The following OTOF variants were observed in gnomAD, a reference collection of about 807,000 sequenced individuals.
OTOF encodes the protein otoferlin.
Under a neutral mutation model 236.8 loss-of-function variants are expected in OTOF, and 218 were observed. The ratio of observed to expected loss-of-function variants is 0.92; its 90% CI spans 0.82 to 1.03. OTOF has a LOEUF of 1.03. Ranked by LOEUF, OTOF falls within the 50% of genes least tolerant of loss-of-function variation. The pLI is 0.00. For missense variants in OTOF, 2,590 were observed against 2,694.4 expected (o/e 0.96, Z 0.86); for synonymous variants, 1,041 against 1,072.5 (o/e 0.97, Z 0.57).
At position 26,519,085 on chromosome 2, in the gene OTOF, C is replaced by G; in HGVS notation, c.252G>C (p.Val84=). Residue 84 remains valine, a synonymous_variant, in exon 4 of 47, where the codon GTG becomes GTC. Transcript: ENST00000272371. ...GGCTCTCCTCTACCACCTTCTGCAG[C>G]ACCATGCGGAAGGTCCCGATGAGCC... ...SNKLIGTFRM[V]LQKVVEESHV... The G allele has an allele frequency of 6.2e-7, 1 of 1,605,384 alleles. No individual in the cohort carries two copies.
intron 4 of OTOF, among the ~76,000 whole-genome samples, chr2:26,516,993 C>T (rs985926871): frequency 2.0e-5 from 3 of 152,170 alleles, no homozygotes; most frequent in African/African-American, 7.2e-5. Context: ...ACAAGGGCTG[C>T]CTGCAGGCAT....
chr2:26,488,572 T>A (rs892618941), intron 11 of OTOF, among the ~76,000 whole-genome samples: 1 of 152,324 alleles, frequency 6.6e-6, no homozygotes, highest in Non-Finnish European at 1.5e-5. Context: ...TTGTAAGAAG[T>A]GTTTTCAGAG....
At chr2:26,474,255 G>T in intron 26 of OTOF, 145 bp from the exon 27 acceptor site, 1 of 1,120,156 alleles carries the variant, frequency 8.9e-7, no homozygotes, top group Non-Finnish European at 1.3e-6. Flanking sequence ...GTAGGAGAGA[G>T]GCCCCTAGGC....
At chr2:26,509,085 G>A (rs895885303) in intron 5 of OTOF, among the ~76,000 whole-genome samples, 2 of 152,196 alleles carry the variant, frequency 1.3e-5, no homozygotes, top group African/African-American at 4.8e-5. Context: ...AAAGGGATCA[G>A]GCCAGTCTGT....
chr2:26,531,648 CAT>C, intron 2 of OTOF, among the ~76,000 whole-genome samples: 1 of 152,276 alleles, frequency 6.6e-6, no homozygotes, highest in South Asian at 2.1e-4. Context: ...TCCCTAATTT[CAT>C]TTTTCATTGT....
chr2:26,466,686 C>CA, intron 36 of OTOF, 28 bp downstream of exon 36: 1 of 1,613,826 alleles, frequency 6.2e-7, no homozygotes, highest in Non-Finnish European at 8.5e-7. Context: ...AGGAGACTTG[C>CA]AAGGAGGGAA....
In OTOF at chr2:26,472,619, C is replaced by A. The variant is rs761784960; in HGVS notation, c.3764G>T (p.Cys1255Phe). 1.2e-6 allele frequency: 2 copies of A among 1,613,374 alleles called. No individual in the cohort carries two copies. The highest frequency in any genetic ancestry group is 2.2e-5 in the South Asian group (2 of 91,076). Residue 1255 changes from cysteine to phenylalanine, a missense_variant, in exon 30 of 47, where the codon TGC becomes TTC. By Grantham distance (205) the Cys-to-Phe change is radical. Coordinates refer to ENST00000272371, the MANE Select transcript of OTOF (RefSeq NM_194248.3). ...GGAGTGAGAGGAGGAGCCCCCATTG[C>A]ACAGCACACGGCAGCGCCGGAGAAG... ...VRLLRRCRVLCNGGSSSHSTG... is the reference protein window; with the variant it reads ...VRLLRRCRVLFNGGSSSHSTG...
At chr2:26,551,446 C>T (rs1667460772) in intron 1 of OTOF, among the ~76,000 whole-genome samples, 1 of 152,244 alleles carries the variant, frequency 6.6e-6, no homozygotes, top group South Asian at 2.1e-4. Context: ...TCTGCCCTTC[C>T]TCCTTCCTCA....
At chr2:26,499,167 C>T (rs1363435086) in intron 8 of OTOF, among the ~76,000 whole-genome samples, 1 of 152,132 alleles carries the variant, frequency 6.6e-6, no homozygotes, top group Non-Finnish European at 1.5e-5. Context: ...GCGTTGCTCA[C>T]TCTGGTGGGG....
At chr2:26,480,162 C>T (rs1016624177) in intron 16 of OTOF, 41 bp downstream of exon 16, 1 of 1,180,778 alleles carries the variant, frequency 8.5e-7, no homozygotes, top group Non-Finnish European at 1.3e-6. Flanking sequence ...GTGGGCCCAG[C>T]ACTCACCTAG....
In OTOF at chr2:26,477,332, G is replaced by C; in HGVS notation, c.2407-44C>G. The C allele has an allele frequency of 6.3e-7, 1 of 1,595,644 alleles. No individual in the cohort carries two copies. The highest frequency in any genetic ancestry group is 8.6e-7 in the Non-Finnish European group (1 of 1,168,226). On this transcript the variant is annotated intron_variant, in intron 20 of 46. Coordinates refer to ENST00000272371, the MANE Select transcript of OTOF (RefSeq NM_194248.3). The surrounding 1 kb of genome is among the most constrained non-coding windows in gnomAD (Gnocchi z 4.7). ...CAGTGAACCCAGCAACTGGGGGACA[G>C]CTCGGGCCATGACAAAGGGGGTTGT...
At chr2:26,556,157 C>T (rs920005473) in intron 1 of OTOF, among the ~76,000 whole-genome samples, 2 of 152,232 alleles carry the variant, frequency 1.3e-5, no homozygotes, top group East Asian at 1.9e-4. Flanking sequence ...CCACCTCCCC[C>T]GGCATTGACT....
At chr2:26,505,124 C>A (rs1371495027) in intron 5 of OTOF, among the ~76,000 whole-genome samples, 1 of 152,182 alleles carries the variant, frequency 6.6e-6, no homozygotes, top group Non-Finnish European at 1.5e-5. Flanking sequence ...ACCCCAGGAC[C>A]TTTCTTTACT....
At chr2:26,497,502 G>T (rs763808333) in intron 8 of OTOF, among the ~76,000 whole-genome samples, 1 of 152,166 alleles carries the variant, frequency 6.6e-6, no homozygotes, top group Non-Finnish European at 1.5e-5. Context: ...TTACTTGAGA[G>T]AATTATCTTC....
At chr2:26,555,528 G>A (rs2148140322) in intron 1 of OTOF, among the ~76,000 whole-genome samples, 1 of 152,328 alleles carries the variant, frequency 6.6e-6, no homozygotes, top group East Asian at 1.9e-4. Context: ...TGGGAGCACT[G>A]ACCGAGGGGC....
intron 1 of OTOF, among the ~76,000 whole-genome samples, chr2:26,539,060 A>T (rs986791820): frequency 5.9e-5 from 9 of 151,944 alleles, no homozygotes; most frequent in African/African-American, 2.2e-4. Context: ...TGACCCGCCC[A>T]CCTTGGTCTC....
intron 2 of OTOF, among the ~76,000 whole-genome samples, chr2:26,535,044 C>T (rs79698355): frequency 0.032 from 4,806 of 152,306 alleles, 250 homozygotes; most frequent in African/African-American, 0.11. Context: ...CCCAGGCCTC[C>T]GGGCCGTTCC....
In OTOF at chr2:26,549,482, G is replaced by T. The variant is rs115927467; in HGVS notation, c.79+9011C>A. 7.5e-3 allele frequency among the ~76,000 whole-genome samples: 1,145 copies of T among 152,282 alleles called. 13 individuals are homozygous for T. Among genetic ancestry groups the T allele is most frequent in the African/African-American group, 0.026 (1,090 of 41,552 alleles). On this transcript the variant is annotated intron_variant, in intron 1 of 46. Transcript: ENST00000272371. ...CAATGACTCACAGAGCCAGACTTGG[G>T]ATACTGCAGAGTCCCTGGGCCTCCC...
chr2:26,504,978 G>A (rs1666211646), intron 5 of OTOF, among the ~76,000 whole-genome samples: 1 of 152,144 alleles, frequency 6.6e-6, no homozygotes, highest in African/African-American at 2.4e-5. Flanking sequence ...TAAGACCCCA[G>A]ATCCTTGTTC....
Sources: gnomAD v4.1 joint callset for allele counts (sites outside exome capture counted in the v4.1 genomes callset) on GRCh38, gnomAD v4.1.1 for gene constraint, Gnocchi (gnomAD v3.1) non-coding constraint, MANE v1.5 for transcripts, NCBI Gene and HGNC (gene_info 2026-07-23, HGNC 2026-07-21) for gene names.